SMG6: variants seen among roughly 807,000 people sequenced by gnomAD.
SMG6 encodes SMG6 nonsense mediated mRNA decay factor, also known as telomerase-binding protein EST1A.
SMG6 carries 66 observed loss-of-function variants against 142.2 expected under a neutral mutation model. The ratio of observed to expected loss-of-function variants is 0.46; its 90% CI spans 0.38 to 0.57. The LOEUF (loss-of-function observed/expected upper bound fraction) is 0.57, where lower values mean the gene tolerates loss of function less well. Among genes scored for constraint, SMG6 ranks in the 20% least tolerant of loss-of-function variants. The pLI, the probability that SMG6 is intolerant of heterozygous loss-of-function variation, is 0.00. For synonymous variants in SMG6, 779 were observed against 702.4 expected (o/e 1.11, Z -1.72); for missense variants, 1,793 against 1,832.0 (o/e 0.98, Z 0.39).
At chr17:2,131,318 C>T (rs1354111802) in intron 13 of SMG6, among the ~76,000 whole-genome samples, 6 of 149,150 alleles carry the variant, frequency 4.0e-5, no homozygotes, top group Admixed American at 2.7e-4. Flanking sequence ...TTTTTTGAGA[C>T]GGAGTCTTGC....
At chr17:2,253,210 C>T (rs1320809185) in intron 8 of SMG6, among the ~76,000 whole-genome samples, 2 of 151,790 alleles carry the variant, frequency 1.3e-5, no homozygotes, top group African/African-American at 4.8e-5. Context: ...GGCGCGATCT[C>T]GGCTCACTCT....
intron 8 of SMG6, 37 bp from the exon 9 acceptor site, chr17:2,244,756 C>T (rs1255416418): frequency 6.4e-7 from 1 of 1,571,146 alleles, no homozygotes; most frequent in Non-Finnish European, 8.8e-7. Context: ...AACAATTAAA[C>T]TTTCCCCAGT....
At chr17:2,205,326 G>A (rs1238410526) in intron 10 of SMG6, among the ~76,000 whole-genome samples, 2 of 152,036 alleles carry the variant, frequency 1.3e-5, no homozygotes, top group Non-Finnish European at 2.9e-5. Flanking sequence ...ATCTTGCTGG[G>A]ATTACAGCAA....
chr17:2,110,469 A>ACACACG (rs1246075087), intron 13 of SMG6, among the ~76,000 whole-genome samples: 1 of 152,162 alleles, frequency 6.6e-6, no homozygotes, highest in Non-Finnish European at 1.5e-5. Flanking sequence ...ATATACTATG[A>ACACACG]CACACGCACA....
chr17:2,121,657 AGAGT>A (rs1567614382), intron 13 of SMG6, among the ~76,000 whole-genome samples: 1 of 138,202 alleles, frequency 7.2e-6, no homozygotes, highest in Non-Finnish European at 1.5e-5. Flanking sequence ...AGAGAGAGAG[AGAGT>A]ATCACCCAGG....
chr17:2,219,452 C>T (rs995588456), intron 10 of SMG6, among the ~76,000 whole-genome samples: 2 of 152,024 alleles, frequency 1.3e-5, no homozygotes, highest in African/African-American at 4.8e-5. Context: ...GCTGGACATT[C>T]TCAAACACTG....
At chr17:2,105,311 C>A (rs1462362524) in intron 13 of SMG6, among the ~76,000 whole-genome samples, 1 of 150,716 alleles carries the variant, frequency 6.6e-6, no homozygotes, top group Admixed American at 6.6e-5. Context: ...TTTGGGAGGC[C>A]AAGGTGGGTG....
intron 8 of SMG6, among the ~76,000 whole-genome samples, chr17:2,247,536 C>T (rs2073951807): frequency 6.6e-6 from 1 of 152,126 alleles, no homozygotes; most frequent in Non-Finnish European, 1.5e-5. Flanking sequence ...GCCTGTAATC[C>T]TAGGACTTTG....
chr17:2,121,171 G>A (rs1224087244), intron 13 of SMG6, among the ~76,000 whole-genome samples: 1 of 152,148 alleles, frequency 6.6e-6, no homozygotes, highest in Non-Finnish European at 1.5e-5. Context: ...TTACTCAAGT[G>A]AAAACACATG....
At position 2,243,485 on chromosome 17, in the gene SMG6, AGCCTG is replaced by A. The variant is rs1189104392; in HGVS notation, c.2723+1168_2723+1172del. On this transcript the variant is annotated intron_variant, in intron 9 of 18. Coordinates refer to ENST00000263073, the MANE Select transcript of SMG6 (RefSeq NM_017575.5). Reference sequence around the variant, plus strand: ...CACATGAGGTCAGGAGTTCAAGACCAGCCTGGCCAATATGGTGAAACCCCATCTCT... The same window carrying A: ...CACATGAGGTCAGGAGTTCAAGACCAGCCAATATGGTGAAACCCCATCTCT... Among the ~76,000 whole-genome samples, 9 of 152,302 alleles carry A rather than the reference AGCCTG, an allele frequency of 5.9e-5. No individual in the cohort carries two copies. The East Asian group carries it at 1.5e-3, about 26-fold the overall frequency.
chr17:2,125,321 T>C (rs1490992020), intron 13 of SMG6, among the ~76,000 whole-genome samples: 1 of 152,134 alleles, frequency 6.6e-6, no homozygotes, highest in Admixed American at 6.5e-5. Context: ...CCAGACATCC[T>C]GAGACCAATG....
chr17:2,120,581 A>C (rs965471302), intron 13 of SMG6, among the ~76,000 whole-genome samples: 13 of 152,148 alleles, frequency 8.5e-5, no homozygotes, highest in Non-Finnish European at 1.9e-4. Context: ...AAATGAGCCC[A>C]ATGTGGTGGC....
chr17:2,299,857 GACACAGAC>G lies in SMG6; in HGVS notation c.888_895del (p.Ser297LeufsTer11), dbSNP rs746374776. ...GTCCTCGTCTAAGGAATCGGTTGAGGACACAGACACTTGCTTCTTCAGTCGTGGCCTCT... is the reference window on the plus strand; with the variant it reads ...GTCCTCGTCTAAGGAATCGGTTGAGGACTTGCTTCTTCAGTCGTGGCCTCT... On this transcript the variant is annotated frameshift_variant, in exon 2 of 19. Transcript: ENST00000263073. LOFTEE classifies it high-confidence loss of function. This position sits in a 1 kb window ranked among gnomAD's most constrained non-coding sequence, Gnocchi z 4.3. The G allele has an allele frequency of 6.2e-7, 1 of 1,614,100 alleles. No individual in the cohort carries two copies. The highest frequency in any genetic ancestry group is 8.5e-7 in the Non-Finnish European group (1 of 1,179,968).
At chr17:2,082,117 G>A (rs1244347956) in intron 14 of SMG6, 161 bp from the exon 15 acceptor site, 1 of 664,660 alleles carries the variant, frequency 1.5e-6, no homozygotes, top group Non-Finnish European at 2.5e-6. Context: ...TCAGGCAAAG[G>A]GAGGTTGACA....
intron 13 of SMG6, among the ~76,000 whole-genome samples, chr17:2,166,362 T>C (rs997421859): frequency 6.6e-6 from 1 of 151,018 alleles, no homozygotes; most frequent in Non-Finnish European, 1.5e-5. Context: ...AATATATTAA[T>C]AAAAAGGAGA....
At chr17:2,239,739 A>G (rs1258514871) in intron 9 of SMG6, among the ~76,000 whole-genome samples, 2 of 152,260 alleles carry the variant, frequency 1.3e-5, no homozygotes, top group African/African-American at 2.4e-5. Flanking sequence ...GATTTCTCCC[A>G]TAATGAATAC....
chr17:2,301,029 T>C (rs2151419645), intron 1 of SMG6, among the ~76,000 whole-genome samples: 1 of 152,352 alleles, frequency 6.6e-6, no homozygotes, highest in Non-Finnish European at 1.5e-5. Flanking sequence ...TTTTCAGCAC[T>C]ACACTGTTCT....
chr17:2,240,351 C>T (rs2073769730), intron 9 of SMG6, among the ~76,000 whole-genome samples: 2 of 152,126 alleles, frequency 1.3e-5, no homozygotes, highest in Admixed American at 6.5e-5. Context: ...GGCTAGACAA[C>T]ATTCTCTGCA....
intron 13 of SMG6, among the ~76,000 whole-genome samples, chr17:2,118,525 T>C (rs1417375685): frequency 6.6e-6 from 1 of 151,652 alleles, no homozygotes. Context: ...GGTGTAAGAG[T>C]GAGACTCTGT....
Sources: gnomAD v4.1 joint callset for allele counts (sites outside exome capture counted in the v4.1 genomes callset) on GRCh38, gnomAD v4.1.1 for gene constraint, Gnocchi (gnomAD v3.1) non-coding constraint, MANE v1.5 for transcripts, NCBI Gene and HGNC (gene_info 2026-07-23, HGNC 2026-07-21) for gene names.